FANCC: variants seen among roughly 807,000 people sequenced by gnomAD.
The protein encoded by FANCC is FA complementation group C.
A neutral mutation model predicts 71.3 loss-of-function variants in FANCC; 55 were observed. The observed-to-expected ratio is 0.77, with a 90% CI of 0.62 to 0.97. The LOEUF is 0.97. FANCC is among the 50% of genes least tolerant of loss of function. The probability of loss-of-function intolerance (pLI) is 0.00; values close to 1 mark genes in which losing one functional copy is unlikely to be tolerated. For missense variants in FANCC, 678 were observed against 670.9 expected (o/e 1.01, Z -0.12); for synonymous variants, 275 against 244.9 (o/e 1.12, Z -1.15).
At chr9:95,110,137 G>T in intron 13 of FANCC, 1 of 559,740 alleles carries the variant, frequency 1.8e-6, no homozygotes. Flanking sequence ...GGCATCCCCT[G>T]AGGGAGAACT....
intron 1 of FANCC, among the ~76,000 whole-genome samples, chr9:95,256,330 TA>T (rs1831654953): frequency 6.6e-6 from 1 of 152,228 alleles, no homozygotes; most frequent in African/African-American, 2.4e-5. Flanking sequence ...TCCATCAGAC[TA>T]ACAGCGGATC....
At position 95,099,143 on chromosome 9, in the gene FANCC, G is replaced by A. The variant is rs945363629; in HGVS notation, c.*2564C>T. ...GCTAAAAAATTCCACAGATGTCACGGAGTCCAGGGGAATAACAGCCTGGTT... is the reference window on the plus strand; with the variant it reads ...GCTAAAAAATTCCACAGATGTCACGAAGTCCAGGGGAATAACAGCCTGGTT... On this transcript the variant is annotated 3_prime_UTR_variant, in exon 15 of 15. Coordinates refer to ENST00000289081, the MANE Select transcript of FANCC (RefSeq NM_000136.3). 6 of 214,864 alleles carry A rather than the reference G, an allele frequency of 2.8e-5. No homozygotes were observed. The highest frequency in any genetic ancestry group is 5.6e-5 in the Non-Finnish European group (6 of 106,616). 13.3% of individuals were successfully genotyped at this position (214,864 alleles called of 1,614,324 possible). A position where few individuals can be genotyped will look rare whatever the true frequency, so the allele number is the denominator to read the frequency against.
intron 6 of FANCC, among the ~76,000 whole-genome samples, chr9:95,152,891 T>C (rs1048587591): frequency 1.3e-5 from 2 of 152,088 alleles, no homozygotes; most frequent in African/African-American, 2.4e-5. Flanking sequence ...AAGAATCGTC[T>C]TGGGTTACAC....
At chr9:95,214,497 C>A (rs1828725954) in intron 4 of FANCC, among the ~76,000 whole-genome samples, 1 of 152,074 alleles carries the variant, frequency 6.6e-6, no homozygotes, top group African/African-American at 2.4e-5. Flanking sequence ...AATTCCACTT[C>A]TGGGTTTATA....
intron 7 of FANCC, among the ~76,000 whole-genome samples, chr9:95,149,364 A>G (rs1330612841): frequency 6.6e-6 from 1 of 152,184 alleles, no homozygotes. Context: ...TGATGAAATA[A>G]TATGTACAAC....
At chr9:95,107,598 T>C in intron 13 of FANCC, 1 of 439,762 alleles carries the variant, frequency 2.3e-6, no homozygotes, top group East Asian at 4.1e-5. Context: ...AACAAAAGGC[T>C]CCTTGAAGAC....
chr9:95,188,077 G>A (rs1414008068), intron 4 of FANCC, among the ~76,000 whole-genome samples: 1 of 151,516 alleles, frequency 6.6e-6, no homozygotes, highest in African/African-American at 2.4e-5. Context: ...TTCAGTGCCA[G>A]GGCTGTTTCT....
chr9:95,294,065 C>T, intron 1 of FANCC: 3 of 1,609,712 alleles, frequency 1.9e-6, no homozygotes, highest in Non-Finnish European at 2.6e-6. Context: ...AGTATGCTTC[C>T]TTCACAGAAC....
At chr9:95,278,402 A>C (rs763895184) in intron 1 of FANCC, among the ~76,000 whole-genome samples, 36 of 152,222 alleles carry the variant, frequency 2.4e-4, no homozygotes, top group Non-Finnish European at 4.8e-4. Flanking sequence ...TGATACCATA[A>C]CTACTGATAA....
At chr9:95,249,494 A>G (rs981530364) in intron 1 of FANCC, 125 bp from the exon 2 acceptor site, 5 of 585,302 alleles carry the variant, frequency 8.5e-6, no homozygotes, top group African/African-American at 1.9e-5. Context: ...TGCTGGAGCC[A>G]TCTTTGAATT....
chr9:95,112,510 C>T (rs2072028066), intron 12 of FANCC, among the ~76,000 whole-genome samples: 2 of 152,210 alleles, frequency 1.3e-5, no homozygotes, highest in African/African-American at 4.8e-5. Flanking sequence ...ATTTGAGCAA[C>T]AGAGACATGT....
At chr9:95,192,315 A>G (rs557381344) in intron 4 of FANCC, among the ~76,000 whole-genome samples, 2 of 152,284 alleles carry the variant, frequency 1.3e-5, no homozygotes, top group South Asian at 4.1e-4. Context: ...AGAGACAAGC[A>G]AGTCTGTTAC....
chr9:95,283,006 C>T (rs899293708), intron 1 of FANCC, among the ~76,000 whole-genome samples: 3 of 152,198 alleles, frequency 2.0e-5, no homozygotes, highest in Admixed American at 2.0e-4. Flanking sequence ...TGAGAATGAT[C>T]TATTAAATGC....
At chr9:95,138,976 T>C (rs1480684709) in intron 7 of FANCC, among the ~76,000 whole-genome samples, 4 of 152,222 alleles carry the variant, frequency 2.6e-5, no homozygotes, top group African/African-American at 9.6e-5. Flanking sequence ...CTGTGTTTAA[T>C]ATTTGGATAG....
chr9:95,216,816 G>A (rs1691149116), intron 4 of FANCC, among the ~76,000 whole-genome samples: 1 of 152,108 alleles, frequency 6.6e-6, no homozygotes. Context: ...CTTGTGGCTT[G>A]CTGTGCTGTG....
At chr9:95,111,304 C>T (rs779630784) in intron 13 of FANCC, 159 bp downstream of exon 13, 5 of 1,586,882 alleles carry the variant, frequency 3.2e-6, no homozygotes, top group Non-Finnish European at 3.4e-6. Flanking sequence ...GACCACAAGG[C>T]TGGAGATCAC....
chr9:95,235,188 G>A (rs1830231663), intron 4 of FANCC, among the ~76,000 whole-genome samples: 1 of 151,930 alleles, frequency 6.6e-6, no homozygotes. Flanking sequence ...TGATGAAGGT[G>A]GCACCACAGA....
chr9:95,278,697 T>C (rs1409232760), intron 1 of FANCC, among the ~76,000 whole-genome samples: 1 of 152,120 alleles, frequency 6.6e-6, no homozygotes, highest in Non-Finnish European at 1.5e-5. Context: ...ATTTTCAACT[T>C]ATGATGATAT....
At chr9:95,134,890 C>T (rs1044352514) in intron 8 of FANCC, among the ~76,000 whole-genome samples, 4 of 152,252 alleles carry the variant, frequency 2.6e-5, no homozygotes, top group Non-Finnish European at 5.9e-5. Flanking sequence ...AGAAAACTTA[C>T]AGAAGTCTTA....
Sources: allele counts gnomAD v4.1 joint callset (sites outside exome capture counted in the v4.1 genomes callset), GRCh38; gene constraint gnomAD v4.1.1; transcripts MANE v1.5; gene names NCBI Gene and HGNC (gene_info 2026-07-23, HGNC 2026-07-21).